The following GMDS variants were observed in gnomAD, a reference collection of about 807,000 sequenced individuals.
The protein encoded by GMDS is GDP-mannose 4,6 dehydratase.
A neutral mutation model predicts 49.9 loss-of-function variants in GMDS; 20 were observed. That is an observed-to-expected ratio of 0.40 (90% CI 0.28 to 0.58). The LOEUF (loss-of-function observed/expected upper bound fraction) is 0.58. Ranked by LOEUF, GMDS falls within the 20% of genes least tolerant of loss-of-function variation. GMDS has a pLI of 0.42. For missense variants in GMDS, 362 were observed against 481.4 expected, an observed-to-expected ratio of 0.75 and a Z score of 2.32; for synonymous variants, 177 against 178.6, an observed-to-expected ratio of 0.99 and a Z score of 0.07.
intron 9 of GMDS, among the ~76,000 whole-genome samples, chr6:1,711,798 G>A (rs925124583): frequency 6.6e-6 from 1 of 152,172 alleles, no homozygotes; most frequent in African/African-American, 2.4e-5. Flanking sequence ...CCGATTTTGT[G>A]CAGCATGGAT....
intron 4 of GMDS, among the ~76,000 whole-genome samples, chr6:2,083,496 C>G (rs757627710): frequency 3.3e-5 from 5 of 152,126 alleles, no homozygotes; most frequent in Non-Finnish European, 5.9e-5. Context: ...TTCAAAACAA[C>G]CACTTAAGAA....
chr6:2,203,657 A>T (rs1258559137), intron 1 of GMDS, among the ~76,000 whole-genome samples: 1 of 152,182 alleles, frequency 6.6e-6, no homozygotes, highest in Middle Eastern at 3.2e-3. Flanking sequence ...GGTTAACACT[A>T]CGAAAAAAAA....
At chr6:2,192,754 G>C (rs9503119) in intron 1 of GMDS, among the ~76,000 whole-genome samples, 1 of 152,100 alleles carries the variant, frequency 6.6e-6, no homozygotes. Flanking sequence ...GCCCAACCCC[G>C]CACTCACTCA....
intron 4 of GMDS, among the ~76,000 whole-genome samples, chr6:2,061,576 G>C (rs1316021308): frequency 6.6e-6 from 1 of 151,786 alleles, no homozygotes; most frequent in East Asian, 1.9e-4. Context: ...AAAACTAGCC[G>C]GGCATGGTGG....
chr6:1,828,094 G>A (rs1392408788), intron 7 of GMDS, among the ~76,000 whole-genome samples: 1 of 151,880 alleles, frequency 6.6e-6, no homozygotes, highest in African/African-American at 2.4e-5. Context: ...AACAAAAAGA[G>A]AAATTTTAAA....
At chr6:1,971,324 A>C (rs977913094) in intron 4 of GMDS, among the ~76,000 whole-genome samples, 2 of 152,100 alleles carry the variant, frequency 1.3e-5, no homozygotes, top group African/African-American at 4.8e-5. Flanking sequence ...ATAGTTCAGA[A>C]ACTATTCTTC....
At chr6:1,786,107 G>C (rs1273591834) in intron 7 of GMDS, among the ~76,000 whole-genome samples, 1 of 152,228 alleles carries the variant, frequency 6.6e-6, no homozygotes, top group Non-Finnish European at 1.5e-5. Flanking sequence ...ATTTGGAGAC[G>C]GTGAAGGTCT....
chr6:1,926,805 A>G (rs1473571715), intron 7 of GMDS, among the ~76,000 whole-genome samples: 1 of 152,234 alleles, frequency 6.6e-6, no homozygotes, highest in African/African-American at 2.4e-5. Context: ...GAACACATAA[A>G]TGAGAACTAT....
chr6:1,632,839 A>C (rs1419773343), intron 9 of GMDS, among the ~76,000 whole-genome samples: 1 of 152,168 alleles, frequency 6.6e-6, no homozygotes, highest in Non-Finnish European at 1.5e-5. Context: ...TGATTACACC[A>C]CTGTACTCCA....
intron 7 of GMDS, among the ~76,000 whole-genome samples, chr6:1,772,786 C>T (rs534372528): frequency 2.0e-5 from 3 of 152,338 alleles, no homozygotes; most frequent in African/African-American, 7.2e-5. Context: ...GCTTCGCTTC[C>T]TCTCCACTGT....
At chr6:1,780,580 C>G (rs1411978352) in intron 7 of GMDS, among the ~76,000 whole-genome samples, 1 of 152,190 alleles carries the variant, frequency 6.6e-6, no homozygotes, top group Non-Finnish European at 1.5e-5. Flanking sequence ...GCTTCCCAGC[C>G]TCTCTGCCTG....
At chr6:2,016,283 G>T (rs1313126577) in intron 4 of GMDS, among the ~76,000 whole-genome samples, 2 of 149,532 alleles carry the variant, frequency 1.3e-5, no homozygotes, top group Non-Finnish European at 3.0e-5. Flanking sequence ...GCAGAAAGCA[G>T]ACGATGAAAA....
intron 1 of GMDS, among the ~76,000 whole-genome samples, chr6:2,229,728 C>T (rs1581830938): frequency 6.6e-6 from 1 of 152,126 alleles, no homozygotes; most frequent in Non-Finnish European, 1.5e-5. Context: ...CCAGATCATC[C>T]CTGACAAAAA....
At chr6:1,822,042 T>C (rs1021659746) in intron 7 of GMDS, among the ~76,000 whole-genome samples, 2 of 152,190 alleles carry the variant, frequency 1.3e-5, no homozygotes, top group Admixed American at 6.5e-5. Context: ...CTCTTTGTTT[T>C]CCTTCAAGTA....
intron 1 of GMDS, among the ~76,000 whole-genome samples, chr6:2,138,576 G>GT (rs1449357259): frequency 6.6e-6 from 1 of 152,204 alleles, no homozygotes; most frequent in Non-Finnish European, 1.5e-5. Context: ...GTGCGGTCTA[G>GT]TGGGAGGTGT....
intron 6 of GMDS, chr6:1,959,628 G>T: frequency 3.3e-6 from 1 of 306,240 alleles, no homozygotes; most frequent in East Asian, 5.4e-5. Flanking sequence ...AATTAAAATG[G>T]TAAAACTGGA....
chr6:2,079,569 AT>A (rs915928217), intron 4 of GMDS, among the ~76,000 whole-genome samples: 4 of 152,004 alleles, frequency 2.6e-5, no homozygotes, highest in African/African-American at 9.7e-5. Context: ...TACAAAGAAT[AT>A]TTTTGCTAGA....
At chr6:2,192,264 G>A (rs955639810) in intron 1 of GMDS, among the ~76,000 whole-genome samples, 4 of 152,124 alleles carry the variant, frequency 2.6e-5, no homozygotes, top group African/African-American at 9.7e-5. Flanking sequence ...CACTCATCGG[G>A]ACACCCTGGC....
At chr6:1,741,458 T>C (rs997884211) in intron 8 of GMDS, among the ~76,000 whole-genome samples, 3 of 152,096 alleles carry the variant, frequency 2.0e-5, no homozygotes, top group African/African-American at 7.2e-5. Context: ...TCTGGCTTCT[T>C]TCACATAACA....
Sources: gnomAD v4.1 joint callset for allele counts (sites outside exome capture counted in the v4.1 genomes callset) on GRCh38, gnomAD v4.1.1 for gene constraint, MANE v1.5 for transcripts, NCBI Gene and HGNC (gene_info 2026-07-23, HGNC 2026-07-21) for gene names.